SCUBE1: variants seen among roughly 807,000 people sequenced by gnomAD.
The protein encoded by SCUBE1 is signal peptide, CUB domain and EGF like domain containing 1.
SCUBE1 carries 59 observed loss-of-function variants against 124.4 expected under a neutral mutation model. That is an observed-to-expected ratio of 0.47 (90% CI 0.38 to 0.59). The LOEUF (loss-of-function observed/expected upper bound fraction) is 0.59. SCUBE1 is among the 20% of genes least tolerant of loss of function. The pLI, the probability that SCUBE1 is intolerant of heterozygous loss-of-function variation, is 0.00. For missense variants in SCUBE1, 1,150 were observed against 1,371.2 expected, an observed-to-expected ratio of 0.84 and a Z score of 2.55; for synonymous variants, 545 against 550.9, an observed-to-expected ratio of 0.99 and a Z score of 0.15.
chr22:43,302,277 T>G (rs1925803301), intron 3 of SCUBE1, among the ~76,000 whole-genome samples: 1 of 152,128 alleles, frequency 6.6e-6, no homozygotes, highest in Admixed American at 6.5e-5. Flanking sequence ...CAGCTCAGCG[T>G]CTCCTCCTGC....
chr22:43,279,650 T>G (rs952640237), intron 4 of SCUBE1, among the ~76,000 whole-genome samples: 1 of 152,224 alleles, frequency 6.6e-6, no homozygotes, highest in Non-Finnish European at 1.5e-5. Flanking sequence ...AGGCAATCTT[T>G]TTTGCTGACT....
At chr22:43,224,814 T>A (rs557292836) in intron 10 of SCUBE1, among the ~76,000 whole-genome samples, 1 of 152,240 alleles carries the variant, frequency 6.6e-6, no homozygotes, top group African/African-American at 2.4e-5. Context: ...AAAGTGATGA[T>A]CATGGGCTGG....
At chr22:43,268,911 C>G (rs574368121) in intron 4 of SCUBE1, among the ~76,000 whole-genome samples, 1 of 152,310 alleles carries the variant, frequency 6.6e-6, no homozygotes, top group South Asian at 2.1e-4. Flanking sequence ...GAGGCTGTTG[C>G]TATCACTCTG....
intron 3 of SCUBE1, among the ~76,000 whole-genome samples, chr22:43,310,720 G>A (rs576726030): frequency 6.6e-6 from 1 of 152,352 alleles, no homozygotes; most frequent in African/African-American, 2.4e-5. Context: ...AAATGGACAT[G>A]TAATAATTGT....
intron 2 of SCUBE1, among the ~76,000 whole-genome samples, chr22:43,330,076 C>A (rs1926857061): frequency 2.0e-5 from 3 of 151,656 alleles, no homozygotes; most frequent in Admixed American, 2.0e-4. Context: ...AAAAAAAAAC[C>A]AACATGCAGA....
chr22:43,280,266 C>T (rs1427956543), intron 4 of SCUBE1, among the ~76,000 whole-genome samples: 23 of 152,072 alleles, frequency 1.5e-4, no homozygotes. Flanking sequence ...TCCAGAGCCA[C>T]CGAAACTTAA....
chr22:43,229,230 G>T, intron 8 of SCUBE1, 42 bp from the exon 9 acceptor site: 2 of 1,199,810 alleles, frequency 1.7e-6, no homozygotes, highest in South Asian at 2.4e-5. Flanking sequence ...AGGAGTTTGA[G>T]GGAGTGGTGG....
chr22:43,258,452 T>G lies in SCUBE1; in HGVS notation c.611-117A>C. The G allele has an allele frequency of 1.3e-6, 1 of 769,060 alleles. No individual in the cohort carries two copies. The highest frequency in any genetic ancestry group is 2.3e-6 in the Non-Finnish European group (1 of 429,704). 47.6% of individuals were successfully genotyped at this position (769,060 alleles called of 1,614,324 possible). On this transcript the variant is annotated intron_variant, in intron 5 of 21. Transcript: ENST00000360835. The surrounding 1 kb of genome is among the most constrained non-coding windows in gnomAD (Gnocchi z 5.0). Reference sequence around the variant, plus strand: ...GGAAACTGAGGCCTAAGGGCATCAGTGGGTAGGGTCATGAGGCTCGCCGGG... The same window carrying G: ...GGAAACTGAGGCCTAAGGGCATCAGGGGGTAGGGTCATGAGGCTCGCCGGG...
intron 15 of SCUBE1, among the ~76,000 whole-genome samples, chr22:43,215,756 G>T (rs892370241): frequency 1.3e-5 from 2 of 152,210 alleles, no homozygotes; most frequent in Non-Finnish European, 2.9e-5. Context: ...GACTGAAGGA[G>T]CCTGAAGACA....
In SCUBE1 at chr22:43,229,195, G is replaced by A. The variant is rs374425480; in HGVS notation, c.968-7C>T. Reference sequence around the variant, plus strand: ...AAGGAGCACTCGTCGATGTCTGCGTGGCCACAGGGAGACAAAGTTGGGGGA... The same window carrying A: ...AAGGAGCACTCGTCGATGTCTGCGTAGCCACAGGGAGACAAAGTTGGGGGA... On this transcript the variant is annotated splice_region_variant and splice_polypyrimidine_tract_variant and intron_variant, in intron 8 of 21. Transcript: ENST00000360835. The A allele has an allele frequency of 5.0e-6, 8 of 1,603,674 alleles. No homozygotes were observed. The highest frequency in any genetic ancestry group is 6.8e-6 in the Non-Finnish European group (8 of 1,170,684).
chr22:43,272,820 C>A (rs537057595), intron 4 of SCUBE1, among the ~76,000 whole-genome samples: 2 of 152,332 alleles, frequency 1.3e-5, no homozygotes, highest in Admixed American at 6.5e-5. Context: ...CTGGAAGGCG[C>A]CTTGGAGAGC....
chr22:43,236,253 ACACCAACCCTGGGGCTGGAGGC>A (rs1295914304), intron 7 of SCUBE1, among the ~76,000 whole-genome samples: 1 of 152,158 alleles, frequency 6.6e-6, no homozygotes, highest in African/African-American at 2.4e-5. Context: ...CATACCAATG[ACACCAACCCTGGGGCTGGAGGC>A]CACCGTCTGG....
Position 43,255,447 on chromosome 22 carries a change from C to CAG in SCUBE1, c.727+2771_727+2772insCT, listed in dbSNP as rs1489939097. On this transcript the variant is annotated intron_variant, in intron 6 of 21. Coordinates refer to ENST00000360835, the MANE Select transcript of SCUBE1 (RefSeq NM_173050.5). This position sits in a 1 kb window ranked among gnomAD's most constrained non-coding sequence, Gnocchi z 4.7. ...AGACACACATGTGCACACACACACA[C>CAG]AAGTGCAAGTACGACAAAGGAAGTG... The CAG allele has an allele frequency of 1.3e-6, 2 of 1,503,396 alleles. No homozygotes were observed. Among genetic ancestry groups the CAG allele is most frequent in the African/African-American group, 2.8e-5 (2 of 72,004 alleles). 93.1% of individuals were successfully genotyped at this position (1,503,396 alleles called of 1,614,324 possible). A position where few individuals can be genotyped will look rare whatever the true frequency, so the allele number is the denominator to read the frequency against.
chr22:43,308,536 G>C (rs114855093), intron 3 of SCUBE1, among the ~76,000 whole-genome samples: 1,927 of 152,280 alleles, frequency 0.013, 48 homozygotes, highest in African/African-American at 0.044. Context: ...GCAGCAACTC[G>C]AGCCTTCGTT....
At position 43,221,179 on chromosome 22, in the gene SCUBE1, G is replaced by T; in HGVS notation, c.1543C>A (p.Leu515Met). The change falls in exon 13 of 22, where the codon CTG (leucine) becomes ATG (methionine). Residue 515 changes from leucine to methionine, a missense_variant. By Grantham distance (15) the Leu-to-Met change is conservative. Transcript: ENST00000360835. ...ARAKETARQP[L>M]LDHCHVTFVT... Reference sequence around the variant, plus strand: ...AGCAGGGCGTCCCACTCACCCAGCAGCGGCTGCCTGGCGGTCTCCTTTGCT... The same window carrying T: ...AGCAGGGCGTCCCACTCACCCAGCATCGGCTGCCTGGCGGTCTCCTTTGCT... 1 of 1,608,714 alleles carries T rather than the reference G, an allele frequency of 6.2e-7. No individual in the cohort carries two copies.
intron 10 of SCUBE1, among the ~76,000 whole-genome samples, chr22:43,225,289 G>A (rs1285810730): frequency 1.3e-5 from 2 of 151,974 alleles, no homozygotes; most frequent in African/African-American, 2.4e-5. Context: ...TGGATGTAAA[G>A]CCACGTCTAG....
At chr22:43,214,346 A>G in intron 15 of SCUBE1, 95 bp from the exon 16 acceptor site, 1 of 1,311,404 alleles carries the variant, frequency 7.6e-7, no homozygotes, top group Non-Finnish European at 1.0e-6. Context: ...TGATAGACAC[A>G]GTCCTTGTCC....
intron 4 of SCUBE1, among the ~76,000 whole-genome samples, chr22:43,274,883 C>T (rs1057257696): frequency 5.9e-5 from 9 of 152,164 alleles, no homozygotes; most frequent in African/African-American, 2.2e-4. Flanking sequence ...CTTCTCATGG[C>T]CCTTCGAGGA....
rs1161953666 is a variant in SCUBE1, at chr22:43,339,777, C to G, written c.89-542G>C. On this transcript the variant is annotated intron_variant, in intron 1 of 21. Transcript: ENST00000360835. Reference sequence around the variant, plus strand: ...CCTCCCCCCACTCTCCTCATTCTATCCCCCCACAAGCATTGCTTCAACCCT... The same window carrying G: ...CCTCCCCCCACTCTCCTCATTCTATGCCCCCACAAGCATTGCTTCAACCCT... Among the ~76,000 whole-genome samples the G allele has an allele frequency of 5.9e-4, 35 of 59,664 alleles. No homozygotes were observed. In the East Asian group the frequency reaches 8.6e-3, roughly 15 times the overall value. 39.1% of individuals were successfully genotyped at this position (59,664 alleles called of 152,430 possible).
Sources: allele counts gnomAD v4.1 joint callset (sites outside exome capture counted in the v4.1 genomes callset), GRCh38; gene constraint gnomAD v4.1.1; non-coding constraint Gnocchi (gnomAD v3.1); transcripts MANE v1.5; gene names NCBI Gene and HGNC (gene_info 2026-07-23, HGNC 2026-07-21).